The following ROBO1 variants were observed in gnomAD, a reference collection of about 807,000 sequenced individuals.
ROBO1 encodes roundabout homolog 1.
In ROBO1, 149 loss-of-function variants were observed where a neutral mutation model predicts 195.9. That is an observed-to-expected ratio of 0.76 (90% CI 0.67 to 0.87). The LOEUF (loss-of-function observed/expected upper bound fraction) is 0.87, where lower values mean the gene tolerates loss of function less well. Among genes scored for constraint, ROBO1 ranks in the 40% least tolerant of loss-of-function variants. ROBO1 has a pLI of 0.00. For synonymous variants in ROBO1, 816 were observed against 733.2 expected, an observed-to-expected ratio of 1.11 and a Z score of -1.82; for missense variants, 1,933 against 2,068.3, an observed-to-expected ratio of 0.93 and a Z score of 1.27.
intron 4 of ROBO1, among the ~76,000 whole-genome samples, chr3:78,819,486 A>G (rs1233317194): frequency 6.6e-6 from 1 of 150,388 alleles, no homozygotes; most frequent in East Asian, 1.9e-4. Flanking sequence ...TTTTCTCCAT[A>G]CAGATAATCT....
At chr3:78,822,447 A>G (rs1214543083) in intron 4 of ROBO1, among the ~76,000 whole-genome samples, 1 of 152,204 alleles carries the variant, frequency 6.6e-6, no homozygotes, top group African/African-American at 2.4e-5. Flanking sequence ...ACTCTGAGAA[A>G]GACAAATATT....
chr3:79,165,883 T>G (rs1425979919), intron 2 of ROBO1, among the ~76,000 whole-genome samples: 1 of 152,214 alleles, frequency 6.6e-6, no homozygotes, highest in Non-Finnish European at 1.5e-5. Flanking sequence ...TAAGTGGAAT[T>G]GTCCCGGATA....
chr3:78,657,134 A>T lies in ROBO1; in HGVS notation c.2578T>A (p.Ser860Thr). Residue 860 changes from serine to threonine, a missense_variant, in exon 18 of 31, where the codon TCT becomes ACT. Ser to Thr is a moderately conservative substitution (Grantham distance 58, BLOSUM62 1). Around this residue, in one of 3 missense-constraint regions of ROBO1, gnomAD observed 1,737 missense variants for 1,882.5 expected, o/e 0.92. Transcript: ENST00000464233. ...AACTGAGGCTCACTCTTTACCCCAG[A>T]CCCAGCCCCAGTGCTGGCTGCCACT... ...VEVAASTGAG[S>T]GVKSEPQFIQ... 6.2e-7 allele frequency: 1 copy of T among 1,611,788 alleles called. No homozygotes were observed. Among genetic ancestry groups the T allele is most frequent in the Non-Finnish European group, 8.5e-7 (1 of 1,179,006 alleles).
chr3:79,471,888 G>C (rs1362297334), intron 2 of ROBO1, among the ~76,000 whole-genome samples: 1 of 146,860 alleles, frequency 6.8e-6, no homozygotes, highest in East Asian at 2.0e-4. Flanking sequence ...TAAACAGTGA[G>C]AACATATGGA....
At chr3:79,490,996 TA>T in intron 2 of ROBO1, among the ~76,000 whole-genome samples, 1 of 152,144 alleles carries the variant, frequency 6.6e-6, no homozygotes, top group East Asian at 1.9e-4. Flanking sequence ...CAGGAGCCTT[TA>T]AAAAAAGTGT....
chr3:79,639,433 A>C (rs1298669796), intron 1 of ROBO1, among the ~76,000 whole-genome samples: 1 of 152,190 alleles, frequency 6.6e-6, no homozygotes, highest in East Asian at 1.9e-4. Flanking sequence ...AGAAGAAAGA[A>C]CATTTTCTAG....
intron 1 of ROBO1, among the ~76,000 whole-genome samples, chr3:79,626,725 T>C (rs534387716): frequency 6.6e-6 from 1 of 152,314 alleles, no homozygotes; most frequent in African/African-American, 2.4e-5. Flanking sequence ...TGTTTGCAGA[T>C]GACATGATTT....
intron 2 of ROBO1, among the ~76,000 whole-genome samples, chr3:79,291,311 C>G (rs906128339): frequency 1.3e-5 from 2 of 152,106 alleles, no homozygotes; most frequent in Non-Finnish European, 2.9e-5. Flanking sequence ...TAAACTGGAT[C>G]GTTCACAATA....
At chr3:79,484,712 T>C (rs1049731893) in intron 2 of ROBO1, among the ~76,000 whole-genome samples, 10 of 148,994 alleles carry the variant, frequency 6.7e-5, no homozygotes, top group African/African-American at 2.4e-4. Context: ...TTAAGTATAT[T>C]GTGATAAATC....
chr3:79,407,983 G>T (rs1206957891), intron 2 of ROBO1, among the ~76,000 whole-genome samples: 8 of 151,866 alleles, frequency 5.3e-5, no homozygotes, highest in Non-Finnish European at 1.2e-4. Context: ...AAATCTAAAG[G>T]TTCAATTCTA....
intron 4 of ROBO1, among the ~76,000 whole-genome samples, chr3:78,931,831 G>C (rs2107650716): frequency 6.6e-6 from 1 of 152,038 alleles, no homozygotes; most frequent in South Asian, 2.1e-4. Flanking sequence ...AAAACAAATA[G>C]CCTGGTGTAG....
intron 14 of ROBO1, among the ~76,000 whole-genome samples, chr3:78,662,438 T>C (rs1311365727): frequency 3.9e-5 from 6 of 151,984 alleles, no homozygotes; most frequent in Non-Finnish European, 5.9e-5. Flanking sequence ...CTGATGAAAA[T>C]GAGGGCACTA....
intron 2 of ROBO1, among the ~76,000 whole-genome samples, chr3:79,336,082 A>T (rs908649651): frequency 2.6e-5 from 4 of 152,224 alleles, no homozygotes; most frequent in Non-Finnish European, 5.9e-5. Flanking sequence ...CAAGTGGCAA[A>T]GCATTCAAGA....
chr3:79,650,604 A>G (rs1480113404), intron 1 of ROBO1, among the ~76,000 whole-genome samples: 3 of 151,818 alleles, frequency 2.0e-5, no homozygotes, highest in African/African-American at 7.2e-5. Context: ...AAAAATATAG[A>G]AAAAAAACCC....
At chr3:79,571,813 C>T (rs556755024) in intron 2 of ROBO1, among the ~76,000 whole-genome samples, 4 of 152,184 alleles carry the variant, frequency 2.6e-5, no homozygotes, top group African/African-American at 9.6e-5. Context: ...TTACTTCTGG[C>T]AACAGCACTA....
In ROBO1 at chr3:78,661,136, G is replaced by T. The variant is rs762423442; in HGVS notation, c.2214C>A (p.Ile738=). The part of the protein sequence containing the change: ...VRTPAKNSVV[I]PDLRKGVNYE... ...AGTTGACTCCCTTTCTGAGATCAGG[G>T]ATTACCACACTGTTTTTGGCTGGCG... The change falls in exon 16 of 31, where the codon ATC becomes ATA. Residue 738 remains isoleucine, a synonymous_variant. Transcript: ENST00000464233. 6.2e-7 allele frequency: 1 copy of T among 1,613,576 alleles called. No individual in the cohort carries two copies. Among genetic ancestry groups the T allele is most frequent in the Non-Finnish European group, 8.5e-7 (1 of 1,179,756 alleles).
At chr3:78,843,585 C>T (rs372045872) in intron 4 of ROBO1, among the ~76,000 whole-genome samples, 44 of 152,056 alleles carry the variant, frequency 2.9e-4, no homozygotes, top group African/African-American at 9.6e-4. Flanking sequence ...CTGAAGGTTT[C>T]GGAGTATGTC....
intron 2 of ROBO1, among the ~76,000 whole-genome samples, chr3:79,278,377 AAAACAAAC>A (rs113781391): frequency 1.8e-4 from 27 of 150,984 alleles, no homozygotes; most frequent in African/African-American, 2.7e-4. Context: ...AGCAAAAACA[AAAACAAAC>A]AAACAAACAA....
At chr3:79,270,828 G>A (rs954420643) in intron 2 of ROBO1, among the ~76,000 whole-genome samples, 2 of 151,596 alleles carry the variant, frequency 1.3e-5, no homozygotes, top group Admixed American at 6.6e-5. Flanking sequence ...TGGCTTTTTC[G>A]GCTTGACAAA....
Sources: allele counts gnomAD v4.1 joint callset (sites outside exome capture counted in the v4.1 genomes callset), GRCh38; gene constraint gnomAD v4.1.1; regional missense constraint gnomAD v4.1.1; transcripts MANE v1.5; gene names NCBI Gene and HGNC (gene_info 2026-07-23, HGNC 2026-07-21).